The following STK33 variants were observed in gnomAD, a reference collection of about 807,000 sequenced individuals.
STK33 encodes serine/threonine-protein kinase 33.
STK33 carries 52 observed loss-of-function variants against 58.0 expected under a neutral mutation model. That is an observed-to-expected ratio of 0.90 (90% CI 0.72 to 1.13). STK33 has a LOEUF of 1.13. Among genes scored for constraint, STK33 ranks in the 50% most tolerant of loss-of-function variants. The pLI is 0.00. For missense variants in STK33, 630 were observed against 604.2 expected, an observed-to-expected ratio of 1.04 and a Z score of -0.45; for synonymous variants, 215 against 200.1, an observed-to-expected ratio of 1.07 and a Z score of -0.63.
chr11:8,401,642 C>T (rs1169362960), intron 15 of STK33, among the ~76,000 whole-genome samples: 2 of 152,146 alleles, frequency 1.3e-5, no homozygotes, highest in Non-Finnish European at 2.9e-5. Context: ...AACTAAAGAG[C>T]TTCTGCATAG....
intron 11 of STK33, among the ~76,000 whole-genome samples, chr11:8,450,426 G>A (rs1946131632): frequency 6.6e-6 from 1 of 152,030 alleles, no homozygotes; most frequent in African/African-American, 2.4e-5. Flanking sequence ...AGCTAGGGGA[G>A]GGATAGCATT....
rs35914021 is a variant in STK33, at chr11:8,584,110, G to GAA, written c.-466+9971_-466+9972dup. Reference sequence around the variant, plus strand: ...ATTTTAGGCTGAAAGGAATTTAGATGAAAAAAAAAAAAAAAAAGAAAGAAA... The same window carrying GAA: ...ATTTTAGGCTGAAAGGAATTTAGATGAAAAAAAAAAAAAAAAAAAGAAAGAAA... On this transcript the variant is annotated intron_variant, in intron 1 of 15. Transcript: ENST00000687296. Among the ~76,000 whole-genome samples the GAA allele has an allele frequency of 3.1e-3, 394 of 126,634 alleles. 6 individuals carry two copies. Among genetic ancestry groups the GAA allele is most frequent in the Admixed American group, 0.024 (299 of 12,274 alleles). The allele number at this position is 126,634 out of a possible 152,430, so 83.1% of individuals were successfully genotyped here.
the STK33 span, among the ~76,000 whole-genome samples, chr11:8,344,182 T>G: frequency 1.1e-5 from 1 of 89,512 alleles, no homozygotes; most frequent in African/African-American, 3.8e-5. Flanking sequence ...GAGAACCCCA[T>G]CTCTAAAACA....
chr11:8,440,621 C>T (rs1323424820), intron 12 of STK33, 57 bp downstream of exon 12: 3 of 1,406,722 alleles, frequency 2.1e-6, no homozygotes, highest in African/African-American at 1.4e-5. Context: ...GTCTATATCA[C>T]TCTACTGTTA....
At chr11:8,374,084 T>C in the STK33 span, among the ~76,000 whole-genome samples, 1 of 152,364 alleles carries the variant, frequency 6.6e-6, no homozygotes, top group South Asian at 2.1e-4. Context: ...AAGCCCTTGC[T>C]GCCTCCAAAT....
chr11:8,461,441 T>C (rs1399204147), intron 8 of STK33, among the ~76,000 whole-genome samples: 1 of 152,206 alleles, frequency 6.6e-6, no homozygotes, highest in Non-Finnish European at 1.5e-5. Context: ...GTAGTTAACT[T>C]TGCAAAATTA....
At chr11:8,405,670 G>A (rs149359427) in intron 15 of STK33, among the ~76,000 whole-genome samples, 24 of 152,176 alleles carry the variant, frequency 1.6e-4, no homozygotes, top group African/African-American at 5.3e-4. Flanking sequence ...TTTATCCTAG[G>A]AGCTTTACAG....
chr11:8,493,077 A>G lies in STK33; in HGVS notation c.-465-12463T>C, dbSNP rs999292096. On this transcript the variant is annotated intron_variant, in intron 1 of 15. Coordinates refer to ENST00000687296, the MANE Select transcript of STK33 (RefSeq NM_001352389.2). ...GCAAACAAATTCAATAACTAGCAGA[A>G]GGCAAGAAATAACTAAGATCAGAGC... Among the ~76,000 whole-genome samples, 15 of 152,334 alleles carry G rather than the reference A, an allele frequency of 9.8e-5. No individual in the cohort carries two copies. The East Asian group carries it at 2.9e-3, about 29-fold the overall frequency.
intron 15 of STK33, among the ~76,000 whole-genome samples, chr11:8,400,314 C>T (rs1342557570): frequency 1.3e-5 from 2 of 152,186 alleles, no homozygotes; most frequent in East Asian, 3.8e-4. Context: ...GCTGGTTCAA[C>T]ATACGCAAAT....
At chr11:8,552,278 G>T (rs1956353383) in intron 1 of STK33, among the ~76,000 whole-genome samples, 1 of 152,106 alleles carries the variant, frequency 6.6e-6, no homozygotes, top group South Asian at 2.1e-4. Context: ...GAGTCTATGG[G>T]GTTTCTCAGC....
chr11:8,448,987 C>T (rs1321990886), intron 11 of STK33, among the ~76,000 whole-genome samples: 2 of 151,714 alleles, frequency 1.3e-5, no homozygotes, highest in Non-Finnish European at 2.9e-5. Flanking sequence ...TGAACAGACA[C>T]TTCTCAAAAG....
intron 9 of STK33, among the ~76,000 whole-genome samples, chr11:8,456,512 A>C (rs2137080364): frequency 6.6e-6 from 1 of 152,310 alleles, no homozygotes; most frequent in Non-Finnish European, 1.5e-5. Flanking sequence ...GTGCTCGGGA[A>C]CTATCAGCTG....
intron 1 of STK33, among the ~76,000 whole-genome samples, chr11:8,518,022 C>T (rs1050421108): frequency 6.6e-6 from 1 of 151,968 alleles, no homozygotes; most frequent in African/African-American, 2.4e-5. Flanking sequence ...GAAGAGCAAC[C>T]CCAAGACACA....
chr11:8,567,408 T>C (rs1434367024), intron 1 of STK33: 1 of 152,188 alleles, frequency 6.6e-6, no homozygotes, highest in Non-Finnish European at 1.5e-5. Context: ...AGTGCTATAA[T>C]ATTATTAGTT....
chr11:8,519,674 C>T (rs1205122664), intron 1 of STK33, among the ~76,000 whole-genome samples: 4 of 152,010 alleles, frequency 2.6e-5, no homozygotes, highest in East Asian at 1.9e-4. Context: ...ACCACCGATC[C>T]CACAGAAATA....
intron 1 of STK33, among the ~76,000 whole-genome samples, chr11:8,516,385 A>C (rs1255271056): frequency 6.6e-6 from 1 of 152,226 alleles, no homozygotes; most frequent in Non-Finnish European, 1.5e-5. Flanking sequence ...GCAGATTCCT[A>C]GATGGCCGAA....
chr11:8,586,456 C>A (rs1453804887), intron 1 of STK33, among the ~76,000 whole-genome samples: 2 of 152,078 alleles, frequency 1.3e-5, no homozygotes, highest in African/African-American at 4.8e-5. Flanking sequence ...CAAGCAGACA[C>A]AGAAGTGCTC....
At chr11:8,526,408 G>A (rs1954028085) in intron 1 of STK33, among the ~76,000 whole-genome samples, 1 of 151,678 alleles carries the variant, frequency 6.6e-6, no homozygotes, top group African/African-American at 2.4e-5. Context: ...AAAAAAGAAA[G>A]TTATTTGGTA....
At chr11:8,423,802 A>G (rs1011385149) in intron 14 of STK33, among the ~76,000 whole-genome samples, 3 of 151,936 alleles carry the variant, frequency 2.0e-5, no homozygotes, top group African/African-American at 7.2e-5. Context: ...GTGCATTACA[A>G]TCTCCTACTA....
Sources: allele counts gnomAD v4.1 joint callset (sites outside exome capture counted in the v4.1 genomes callset), GRCh38; gene constraint gnomAD v4.1.1; transcripts MANE v1.5; gene names NCBI Gene and HGNC (gene_info 2026-07-23, HGNC 2026-07-21).